Variants in NDUFA3 observed in about 807,000 individuals in gnomAD.
The protein encoded by NDUFA3 is NADH:ubiquinone oxidoreductase subunit A3.
NDUFA3 carries 10 observed loss-of-function variants against 11.4 expected under a neutral mutation model. That is an observed-to-expected ratio of 0.87 (90% CI 0.54 to 1.48). The LOEUF (loss-of-function observed/expected upper bound fraction) is 1.48. Ranked by LOEUF, NDUFA3 falls within the 40% of genes most tolerant of loss-of-function variation. NDUFA3 has a pLI of 0.00. For synonymous variants in NDUFA3, 39 were observed against 46.9 expected (o/e 0.83, Z 0.68); for missense variants, 115 against 110.5 (o/e 1.04, Z -0.18).
chr19:54,107,065 G>A lies in NDUFA3; in HGVS notation c.*163G>A. 6.2e-7 allele frequency: 1 copy of A among 1,613,838 alleles called. No individual in the cohort carries two copies. The highest frequency in any genetic ancestry group is 8.5e-7 in the Non-Finnish European group (1 of 1,179,958). ...TGGGCATGCGTCAGTCAGAGGCTGG[G>A]CTGGCCAGGGTCGGGTAGGGCAGCA... is the stretch of plus-strand genomic sequence containing the variant. On this transcript the variant is annotated 3_prime_UTR_variant, in exon 4 of 4. Transcript: ENST00000485876.
intron 2 of NDUFA3, chr19:54,105,535 C>T: frequency 2.6e-6 from 1 of 387,526 alleles, no homozygotes. Context: ...GCCCAAAGTG[C>T]TGGGATTACA....
rs763240027 is a variant in NDUFA3, at chr19:54,106,935, G to A, written c.*33G>A. 13 of 1,601,824 alleles carry A rather than the reference G, an allele frequency of 8.1e-6. No individual in the cohort carries two copies. Among genetic ancestry groups the A allele is most frequent in the Admixed American group, 5.2e-5 (3 of 57,740 alleles). On this transcript the variant is annotated 3_prime_UTR_variant, in exon 4 of 4. Coordinates refer to ENST00000485876, the MANE Select transcript of NDUFA3 (RefSeq NM_004542.4). ...CACTGACAGAGGCGGCCCCTCCCAC[G>A]GCTCCCAATAAAAATGTGAAAACCA...
rs373479178 is a variant in NDUFA3, at chr19:54,103,095, C to G, written c.11-19C>G. ...GGGGCAGCTACTTGCAGGGGTGACG[C>G]TTCTTGCCACCCCTTCAGGAGTCGG... On this transcript the variant is annotated intron_variant, in intron 1 of 3. Transcript: ENST00000485876. 6.2e-7 allele frequency: 1 copy of G among 1,609,962 alleles called. No homozygotes were observed. Among genetic ancestry groups the G allele is most frequent in the African/African-American group, 1.3e-5 (1 of 74,824 alleles).
intron 2 of NDUFA3, among the ~76,000 whole-genome samples, chr19:54,105,429 C>T (rs867176523): frequency 6.6e-6 from 1 of 151,788 alleles, no homozygotes; most frequent in Non-Finnish European, 1.5e-5. Context: ...CCACCACGCC[C>T]GGCTAATTTT....
intron 3 of NDUFA3, 186 bp downstream of exon 3, chr19:54,106,197 T>C (rs2146341345): frequency 3.2e-6 from 2 of 626,528 alleles, no homozygotes; most frequent in South Asian, 2.0e-5. Flanking sequence ...TGCTTCGTTT[T>C]TGTTTTTTGG....
At chr19:54,105,051 A>T (rs1480475478) in intron 2 of NDUFA3, among the ~76,000 whole-genome samples, 4 of 152,188 alleles carry the variant, frequency 2.6e-5, no homozygotes, top group African/African-American at 7.2e-5. Flanking sequence ...TATGTTTCTT[A>T]AAATTTGTTT....
At position 54,105,461 on chromosome 19, in the gene NDUFA3, G is replaced by A. The variant is rs1183494832; in HGVS notation, c.86-473G>A. 20 of 245,550 alleles carry A rather than the reference G, an allele frequency of 8.1e-5. 1 individual carries two copies. The highest frequency in any genetic ancestry group is 7.7e-4 in the South Asian group (18 of 23,312). The allele number at this position is 245,550 out of a possible 1,614,324, so 15.2% of individuals were successfully genotyped here. A position where few individuals can be genotyped will look rare whatever the true frequency, so the allele number is the denominator to read the frequency against. On this transcript the variant is annotated intron_variant, in intron 2 of 3. Transcript: ENST00000485876. The stretch of plus-strand genomic sequence containing the variant: ...TTTTCGTATCTTTAGTAGAGATGGG[G>A]TTTCATCATGTTGTCCAGGCTGGTC...
intron 2 of NDUFA3, 101 bp downstream of exon 2, chr19:54,103,289 C>T: frequency 8.1e-7 from 1 of 1,233,236 alleles, no homozygotes; most frequent in Non-Finnish European, 1.1e-6. Context: ...CTCGGGTCCC[C>T]TCTAGTGTGT....
rs1600276063 is a variant in NDUFA3 at position 54,103,298 on chromosome 19, G to A, written c.85+110G>A. On this transcript the variant is annotated intron_variant, in intron 2 of 3. Coordinates refer to ENST00000485876, the MANE Select transcript of NDUFA3 (RefSeq NM_004542.4). ...GCCGCCCTCGGGTCCCCTCTAGTGT[G>A]TCTGCACCCCCACGGCATCCCCTTA... The A allele has an allele frequency of 1.1e-5, 12 of 1,098,228 alleles. No homozygotes were observed. In the East Asian group the frequency reaches 3.2e-4, roughly 29 times the overall value. The allele number at this position is 1,098,228 out of a possible 1,614,324, so 68.0% of individuals were successfully genotyped here.
At chr19:54,104,763 C>T (rs587606537) in intron 2 of NDUFA3, among the ~76,000 whole-genome samples, 30 of 150,778 alleles carry the variant, frequency 2.0e-4, no homozygotes, top group South Asian at 6.3e-4. Flanking sequence ...TTTTTTGAGA[C>T]GGAGTTTCGC....
At position 54,102,887 on chromosome 19, in the gene NDUFA3, G is replaced by C; in HGVS notation, c.9G>C (p.Ala3=). The change falls in exon 1 of 4, where the codon GCG becomes GCC. Residue 3 remains alanine, a splice_region_variant and synonymous_variant. Coordinates refer to ENST00000485876, the MANE Select transcript of NDUFA3 (RefSeq NM_004542.4). MA[A]RVGAFLKNAW... is the part of the protein sequence containing the mutation. ...CCGCCGCGGAGACAAAGATGGCTGC[G>C]AGTAAGTGCAGGTGCCGGTGGCGCA... 1.2e-6 allele frequency: 2 copies of C among 1,610,482 alleles called. No homozygotes were observed. The highest frequency in any genetic ancestry group is 1.7e-6 in the Non-Finnish European group (2 of 1,178,014).
chr19:54,103,313 G>C, intron 2 of NDUFA3, 125 bp downstream of exon 2: 1 of 965,520 alleles, frequency 1.0e-6, no homozygotes, highest in Non-Finnish European at 1.5e-6. Flanking sequence ...CACCCCCACG[G>C]CATCCCCTTA....
intron 2 of NDUFA3, 143 bp downstream of exon 2, chr19:54,103,331 C>T: frequency 2.4e-6 from 2 of 833,578 alleles, no homozygotes; most frequent in East Asian, 5.6e-5. Flanking sequence ...TTATCTATCC[C>T]CATACCCATT....
In NDUFA3 at chr19:54,103,262, A is replaced by G. The variant is rs1422757566; in HGVS notation, c.85+74A>G. 7.6e-6 allele frequency: 11 copies of G among 1,448,340 alleles called. No homozygotes were observed. In the Admixed American group the frequency reaches 9.7e-5, roughly 13 times the overall value. The allele number at this position is 1,448,340 out of a possible 1,614,324, so 89.7% of individuals were successfully genotyped here. A position where few individuals can be genotyped will look rare whatever the true frequency, so the allele number is the denominator to read the frequency against. On this transcript the variant is annotated intron_variant, in intron 2 of 3. Coordinates refer to ENST00000485876, the MANE Select transcript of NDUFA3 (RefSeq NM_004542.4). The stretch of plus-strand genomic sequence containing the variant: ...CTACATCCCTCCATCTTGTACCCCT[A>G]AAGCCCTATCGCCGCCCTCGGGTCC...
chr19:54,107,239 T>C lies in NDUFA3; in HGVS notation c.*337T>C. ...GAAAATCCCATCAGCTTCACCATTT[T>C]TGTTTTCATTTTGTTTTGCTTTTTA... is the stretch of plus-strand genomic sequence containing the variant. On this transcript the variant is annotated 3_prime_UTR_variant, in exon 4 of 4. Coordinates refer to ENST00000485876, the MANE Select transcript of NDUFA3 (RefSeq NM_004542.4). The C allele has an allele frequency of 6.4e-7, 1 of 1,570,646 alleles. No homozygotes were observed. Among genetic ancestry groups the C allele is most frequent in the Non-Finnish European group, 8.6e-7 (1 of 1,159,400 alleles).
intron 2 of NDUFA3, 152 bp from the exon 3 acceptor site, chr19:54,105,782 A>G: frequency 1.4e-6 from 1 of 720,316 alleles, no homozygotes; most frequent in South Asian, 1.6e-5. Flanking sequence ...ATAAGTAGGG[A>G]TCCCAAGGTA....
chr19:54,106,775 C>T (rs1171115126), intron 3 of NDUFA3, 36 bp from the exon 4 acceptor site: 18 of 1,548,816 alleles, frequency 1.2e-5, no homozygotes, highest in Middle Eastern at 1.7e-4. Context: ...GCCCTGGAGA[C>T]GTGCTGGTCT....
chr19:54,103,313 G>A, intron 2 of NDUFA3, 125 bp downstream of exon 2: 2 of 965,518 alleles, frequency 2.1e-6, no homozygotes, highest in East Asian at 2.7e-5. Context: ...CACCCCCACG[G>A]CATCCCCTTA....
At chr19:54,103,038 C>T (rs2073134222) in intron 1 of NDUFA3, 76 bp from the exon 2 acceptor site, 2 of 1,553,238 alleles carry the variant, frequency 1.3e-6, no homozygotes, top group Admixed American at 1.9e-5. Flanking sequence ...TCCTCCAGGG[C>T]AGGGGTGGCA....
Sources: gnomAD v4.1 joint callset for allele counts (sites outside exome capture counted in the v4.1 genomes callset) on GRCh38, gnomAD v4.1.1 for gene constraint, MANE v1.5 for transcripts, NCBI Gene and HGNC (gene_info 2026-07-23, HGNC 2026-07-21) for gene names.